CDH4: variants seen among roughly 807,000 people sequenced by gnomAD.
CDH4 encodes cadherin 4, also known as cadherin-4.
In CDH4, 33 loss-of-function variants were observed where a neutral mutation model predicts 86.0. The observed-to-expected ratio is 0.38, with a 90% CI of 0.29 to 0.51. The LOEUF is 0.51. Ranked by LOEUF, CDH4 falls within the 20% of genes least tolerant of loss-of-function variation. The probability of loss-of-function intolerance (pLI) is 0.86; values close to 1 mark genes in which losing one functional copy is unlikely to be tolerated. For synonymous variants in CDH4, 555 were observed against 549.4 expected (o/e 1.01, Z -0.14); for missense variants, 1,114 against 1,307.4 (o/e 0.85, Z 2.28).
Position 61,701,151 on chromosome 20 carries a change from A to G in CDH4, c.170-42412A>G, listed in dbSNP as rs551163471. ...CCATCTTCTTCCCGCATCTCTTCACATCGCCTTCCCTCTGGGAGTGTGTCT... is the reference window on the plus strand; with the variant it reads ...CCATCTTCTTCCCGCATCTCTTCACGTCGCCTTCCCTCTGGGAGTGTGTCT... On this transcript the variant is annotated intron_variant, in intron 2 of 15. Transcript: ENST00000614565. 9.9e-5 allele frequency among the ~76,000 whole-genome samples: 15 copies of G among 152,184 alleles called. No homozygotes were observed. In the East Asian group the frequency reaches 2.5e-3, roughly 26 times the overall value.
intron 2 of CDH4, among the ~76,000 whole-genome samples, chr20:61,296,229 TAATG>T (rs1396083794): frequency 1.3e-5 from 2 of 149,908 alleles, no homozygotes; most frequent in African/African-American, 2.5e-5. Context: ...GTTGTCAAAA[TAATG>T]AGTGTGTGTA....
rs113200534 is a variant in CDH4, at chr20:61,715,243, T to C, written c.170-28320T>C. On this transcript the variant is annotated intron_variant, in intron 2 of 15. Coordinates refer to ENST00000614565, the MANE Select transcript of CDH4 (RefSeq NM_001794.5). ...TGTCTATTCATGTCATTGGCTCACTTTTGATGGGATTGTTCCTTTTTTTCT... is the reference window on the plus strand; with the variant it reads ...TGTCTATTCATGTCATTGGCTCACTCTTGATGGGATTGTTCCTTTTTTTCT... Among the ~76,000 whole-genome samples the C allele has an allele frequency of 1.6e-3, 238 of 152,372 alleles. 2 individuals are homozygous for C. Among genetic ancestry groups the C allele is most frequent in the African/African-American group, 5.1e-3 (214 of 41,586 alleles).
intron 2 of CDH4, among the ~76,000 whole-genome samples, chr20:61,587,977 A>C (rs2086490851): frequency 6.6e-6 from 1 of 152,170 alleles, no homozygotes; most frequent in Admixed American, 6.5e-5. Context: ...TGTGGCTAAA[A>C]ATGTCTGTAA....
At chr20:61,597,721 ACT>A (rs988242883) in intron 2 of CDH4, among the ~76,000 whole-genome samples, 5 of 151,972 alleles carry the variant, frequency 3.3e-5, no homozygotes, top group Admixed American at 1.3e-4. Context: ...GCCTTCAGCG[ACT>A]CTCACAGGAG....
At chr20:61,320,962 G>A (rs983218796) in intron 2 of CDH4, among the ~76,000 whole-genome samples, 2 of 152,046 alleles carry the variant, frequency 1.3e-5, no homozygotes, top group Non-Finnish European at 2.9e-5. Context: ...CCCCTGCTGT[G>A]GGGAAGTGTC....
chr20:61,870,388 C>T lies in CDH4; in HGVS notation c.878-3340C>T, dbSNP rs145909789. ...GAGGCCAAGGCCGTCAGAAGGGCTCCGCATCCCCATCCAGCCCGAGAGACC... is the reference window on the plus strand; with the variant it reads ...GAGGCCAAGGCCGTCAGAAGGGCTCTGCATCCCCATCCAGCCCGAGAGACC... On this transcript the variant is annotated intron_variant, in intron 6 of 15. Transcript: ENST00000614565. Among the ~76,000 whole-genome samples, 67 of 152,332 alleles carry T rather than the reference C, an allele frequency of 4.4e-4. No individual in the cohort carries two copies. The East Asian group carries it at 5.0e-3, about 11-fold the overall frequency.
At position 61,257,337 on chromosome 20, in the gene CDH4, C is replaced by T. The variant is rs146904716; in HGVS notation, c.169+2400C>T. On this transcript the variant is annotated intron_variant, in intron 2 of 15. Coordinates refer to ENST00000614565, the MANE Select transcript of CDH4 (RefSeq NM_001794.5). ...TAAATGGATGGAAGAAATGTCGTGGCATTTTGTTTTATGTCTAAATGAAAA... is the reference window on the plus strand; with the variant it reads ...TAAATGGATGGAAGAAATGTCGTGGTATTTTGTTTTATGTCTAAATGAAAA... Among the ~76,000 whole-genome samples, 689 of 152,310 alleles carry T rather than the reference C, an allele frequency of 4.5e-3. 6 individuals are homozygous for T. The highest frequency in any genetic ancestry group is 0.016 in the African/African-American group (661 of 41,574).
chr20:61,795,705 G>A (rs921320896), intron 4 of CDH4, among the ~76,000 whole-genome samples: 1 of 152,186 alleles, frequency 6.6e-6, no homozygotes, highest in East Asian at 1.9e-4. Flanking sequence ...TACCAGAGGC[G>A]GGGCCAGGAG....
At position 61,785,151 on chromosome 20, in the gene CDH4, C is replaced by T. The variant is rs1386619995; in HGVS notation, c.576+11969C>T. Reference sequence around the variant, plus strand: ...ACCTCAGTTCATCAGGTCTCTCCTCCGATGGCTTCTCTGCCACGATAGGAC... The same window carrying T: ...ACCTCAGTTCATCAGGTCTCTCCTCTGATGGCTTCTCTGCCACGATAGGAC... On this transcript the variant is annotated intron_variant, in intron 4 of 15. Transcript: ENST00000614565. Among the ~76,000 whole-genome samples, 6 of 152,164 alleles carry T rather than the reference C, an allele frequency of 3.9e-5. No homozygotes were observed. The South Asian group carries it at 6.2e-4, about 16-fold the overall frequency.
intron 2 of CDH4, among the ~76,000 whole-genome samples, chr20:61,371,814 T>C (rs1372490699): frequency 6.6e-6 from 1 of 152,204 alleles, no homozygotes; most frequent in Non-Finnish European, 1.5e-5. Context: ...GGTGCACATC[T>C]TGAAGGCAGA....
At chr20:61,886,235 G>A (rs1272470909) in intron 7 of CDH4, among the ~76,000 whole-genome samples, 1 of 152,226 alleles carries the variant, frequency 6.6e-6, no homozygotes, top group Non-Finnish European at 1.5e-5. Context: ...GCTCCTGCCA[G>A]GGTGCCTCAC....
intron 2 of CDH4, among the ~76,000 whole-genome samples, chr20:61,428,042 C>G (rs943110786): frequency 6.6e-6 from 1 of 152,180 alleles, no homozygotes; most frequent in Non-Finnish European, 1.5e-5. Context: ...TCCCCCAGAC[C>G]TTGCTCACTC....
chr20:61,901,469 G>A (rs1044241884), intron 8 of CDH4, among the ~76,000 whole-genome samples: 2 of 152,288 alleles, frequency 1.3e-5, no homozygotes, highest in Middle Eastern at 3.2e-3. Flanking sequence ...ACAGCTGGCT[G>A]TGTCCCCAGG....
intron 2 of CDH4, among the ~76,000 whole-genome samples, chr20:61,563,867 A>C (rs2086241277): frequency 6.6e-6 from 1 of 152,162 alleles, no homozygotes; most frequent in Non-Finnish European, 1.5e-5. Flanking sequence ...CAGGTTCTGC[A>C]CCTGTTGTAT....
chr20:61,770,909 A>G (rs1301059355), intron 3 of CDH4, among the ~76,000 whole-genome samples: 1 of 151,798 alleles, frequency 6.6e-6, no homozygotes, highest in African/African-American at 2.4e-5. Flanking sequence ...CAGAAAGGTA[A>G]AAGGAAGGAA....
At chr20:61,644,601 G>A (rs1175489702) in intron 2 of CDH4, among the ~76,000 whole-genome samples, 1 of 152,218 alleles carries the variant, frequency 6.6e-6, no homozygotes, top group Non-Finnish European at 1.5e-5. Context: ...ACAAGGTCAC[G>A]GAGCGGGCTC....
intron 2 of CDH4, among the ~76,000 whole-genome samples, chr20:61,387,311 TAC>T (rs1381195785): frequency 7.6e-6 from 1 of 131,002 alleles, no homozygotes; most frequent in Non-Finnish European, 1.7e-5. Context: ...CACATACATA[TAC>T]ACACAGCCAC....
At position 61,486,669 on chromosome 20, in the gene CDH4, C is replaced by T. The variant is rs151132198; in HGVS notation, c.169+231732C>T. ...GTTTTGGAAGCTGAGGTGGGAGGTT[C>T]GCTTGAGTCTAGGGGTTCGAGACTA... On this transcript the variant is annotated intron_variant, in intron 2 of 15. Coordinates refer to ENST00000614565, the MANE Select transcript of CDH4 (RefSeq NM_001794.5). 2.5e-3 allele frequency among the ~76,000 whole-genome samples: 385 copies of T among 152,110 alleles called. 1 individual carries two copies. The highest frequency in any genetic ancestry group is 8.8e-3 in the African/African-American group (363 of 41,480).
At chr20:61,778,480 G>A (rs1978364814) in intron 4 of CDH4, among the ~76,000 whole-genome samples, 3 of 152,098 alleles carry the variant, frequency 2.0e-5, no homozygotes, top group East Asian at 1.9e-4. Flanking sequence ...ACGGCACCAC[G>A]CAGAGGGAAA....
Sources: gnomAD v4.1 joint callset for allele counts (sites outside exome capture counted in the v4.1 genomes callset) on GRCh38, gnomAD v4.1.1 for gene constraint, MANE v1.5 for transcripts, NCBI Gene and HGNC (gene_info 2026-07-23, HGNC 2026-07-21) for gene names.